LTBP2: variants seen among roughly 807,000 people sequenced by gnomAD.
LTBP2 encodes latent transforming growth factor beta binding protein 2.
LTBP2 carries 103 observed loss-of-function variants against 210.6 expected under a neutral mutation model. The observed-to-expected ratio is 0.49, with a 90% CI of 0.42 to 0.58. The LOEUF is 0.58. LTBP2 is among the 20% of genes least tolerant of loss of function. The pLI is 0.00. For missense variants in LTBP2, 2,313 were observed against 2,494.5 expected, an observed-to-expected ratio of 0.93 and a Z score of 1.55; for synonymous variants, 1,007 against 1,015.0, an observed-to-expected ratio of 0.99 and a Z score of 0.15.
At chr14:74,546,910 C>G (rs1225163716) in intron 8 of LTBP2, among the ~76,000 whole-genome samples, 1 of 152,228 alleles carries the variant, frequency 6.6e-6, no homozygotes, top group Non-Finnish European at 1.5e-5. Context: ...CTCCTGCTCC[C>G]CACCCTTCCA....
intron 3 of LTBP2, among the ~76,000 whole-genome samples, chr14:74,562,909 CA>C (rs1350188427): frequency 1.3e-5 from 2 of 152,224 alleles, no homozygotes; most frequent in Non-Finnish European, 2.9e-5. Flanking sequence ...GCTCCACCTC[CA>C]AGACTATCCT....
chr14:74,606,796 T>C (rs1359547120), intron 1 of LTBP2, among the ~76,000 whole-genome samples: 2 of 152,054 alleles, frequency 1.3e-5, no homozygotes, highest in Non-Finnish European at 2.9e-5. Flanking sequence ...TGAGCAGAGA[T>C]TGTGCCACTG....
intron 2 of LTBP2, among the ~76,000 whole-genome samples, chr14:74,603,201 C>G (rs2088472993): frequency 6.6e-6 from 1 of 152,128 alleles, no homozygotes; most frequent in Non-Finnish European, 1.5e-5. Context: ...GATCTTGGCT[C>G]ACTGCAAACT....
chr14:74,585,444 C>G (rs574214642), intron 3 of LTBP2, among the ~76,000 whole-genome samples: 88 of 152,320 alleles, frequency 5.8e-4, no homozygotes, highest in African/African-American at 2.1e-3. Context: ...CAATTCATAG[C>G]ACAGGTATTA....
In LTBP2 at chr14:74,528,646, G is replaced by A. The variant is rs144915925; in HGVS notation, c.2205C>T (p.Ser735=). The change falls in exon 12 of 36, where the codon TCC becomes TCT. Residue 735 remains serine (S), a synonymous_variant. Transcript: ENST00000261978. The part of the protein sequence containing the change: ...PAGHGYTYAS[S]DIRLSMRKAE... Reference sequence around the variant, plus strand: ...CTTTCCTCATGGACAGGCGGATGTCGGAGCTCGCGTAGGTGTAGCCGTGGC... The same window carrying A: ...CTTTCCTCATGGACAGGCGGATGTCAGAGCTCGCGTAGGTGTAGCCGTGGC... 14 of 1,613,206 alleles carry A rather than the reference G, an allele frequency of 8.7e-6. No homozygotes were observed. The South Asian group carries it at 1.1e-4, about 13-fold the overall frequency.
At position 74,586,996 on chromosome 14, in the gene LTBP2, A is replaced by G. The variant is rs1349642489; in HGVS notation, c.566-878T>C. The stretch of plus-strand genomic sequence containing the variant: ...CCAGGCCCTCCTCCCGGTTAGCCCT[A>G]TGCAGCATTAGCCACCAGCTCCCCA... On this transcript the variant is annotated intron_variant, in intron 2 of 35. Coordinates refer to ENST00000261978, the MANE Select transcript of LTBP2 (RefSeq NM_000428.3). This position sits in a 1 kb window ranked among gnomAD's most constrained non-coding sequence, Gnocchi z 4.6. 1.3e-5 allele frequency among the ~76,000 whole-genome samples: 2 copies of G among 152,146 alleles called. No homozygotes were observed. Among genetic ancestry groups the G allele is most frequent in the Non-Finnish European group, 2.9e-5 (2 of 68,016 alleles).
intron 2 of LTBP2, among the ~76,000 whole-genome samples, chr14:74,597,721 T>C (rs1012499348): frequency 9.9e-5 from 15 of 152,042 alleles, no homozygotes; most frequent in South Asian, 2.1e-4. Flanking sequence ...TTGATGAGAG[T>C]GCACCCTACA....
chr14:74,566,283 A>C (rs2087901442), intron 3 of LTBP2, among the ~76,000 whole-genome samples: 1 of 152,234 alleles, frequency 6.6e-6, no homozygotes, highest in Admixed American at 6.5e-5. Flanking sequence ...ACCAACGCTT[A>C]AGAGGCAGAC....
At chr14:74,583,472 C>T (rs1188665616) in intron 3 of LTBP2, among the ~76,000 whole-genome samples, 1 of 152,240 alleles carries the variant, frequency 6.6e-6, no homozygotes, top group Non-Finnish European at 1.5e-5. Flanking sequence ...CATTGAGGCC[C>T]CAGGGCACAG....
chr14:74,527,353 A>G lies in LTBP2; in HGVS notation c.2382T>C (p.Ala794=). ...GTIPDKGDSQ[A]GQVTTSVTHA... ...AGTGGGAGGACGCACTCACCTGGCCAGCCTGAGAGTCACCTGGAAGGGAAA... is the reference window on the plus strand; with the variant it reads ...AGTGGGAGGACGCACTCACCTGGCCGGCCTGAGAGTCACCTGGAAGGGAAA... The change falls in exon 13 of 36, where the codon GCT becomes GCC. Residue 794 remains alanine, a synonymous_variant. Transcript: ENST00000261978. 1.9e-6 allele frequency: 3 copies of G among 1,611,686 alleles called. No homozygotes were observed. Among genetic ancestry groups the G allele is most frequent in the Non-Finnish European group, 1.7e-6 (2 of 1,179,236 alleles).
chr14:74,535,712 G>T (rs184878588), intron 9 of LTBP2, among the ~76,000 whole-genome samples: 4 of 152,178 alleles, frequency 2.6e-5, no homozygotes, highest in Admixed American at 6.5e-5. Flanking sequence ...GGGACGAGGG[G>T]AGGTGTCGGC....
intron 2 of LTBP2, among the ~76,000 whole-genome samples, chr14:74,591,326 T>G (rs2088280419): frequency 6.6e-6 from 1 of 152,176 alleles, no homozygotes; most frequent in African/African-American, 2.4e-5. Context: ...AACAAACAGC[T>G]CATGGGAAAT....
At position 74,521,902 on chromosome 14, in the gene LTBP2, T is replaced by C; in HGVS notation, c.2788+9A>G. On this transcript the variant is annotated intron_variant, in intron 17 of 35. Transcript: ENST00000261978. ...GGCCTGGCCAAGGGCAAGGGCGGGC[T>C]TGGCTTACCTTGACACTCCTGTGTC... is the stretch of plus-strand genomic sequence containing the variant. The C allele has an allele frequency of 6.2e-7, 1 of 1,614,004 alleles. No individual in the cohort carries two copies. Among genetic ancestry groups the C allele is most frequent in the Non-Finnish European group, 8.5e-7 (1 of 1,179,962 alleles).
chr14:74,568,089 A>AGAGG (rs2087927590), intron 3 of LTBP2, among the ~76,000 whole-genome samples: 2 of 152,104 alleles, frequency 1.3e-5, no homozygotes, highest in African/African-American at 4.8e-5. Context: ...ACAAATCACA[A>AGAGG]GAGGCCTCTC....
At chr14:74,550,717 CA>C (rs2087641157) in intron 7 of LTBP2, among the ~76,000 whole-genome samples, 1 of 152,222 alleles carries the variant, frequency 6.6e-6, no homozygotes, top group Non-Finnish European at 1.5e-5. Flanking sequence ...AACTCCTGGC[CA>C]GATCCTAACA....
chr14:74,551,093 G>A lies in LTBP2; in HGVS notation c.1657C>T (p.Arg553Trp), dbSNP rs746326223. 1.9e-5 allele frequency: 31 copies of A among 1,613,638 alleles called. No individual in the cohort carries two copies. Among genetic ancestry groups the A allele is most frequent in the Non-Finnish European group, 2.5e-5 (29 of 1,180,042 alleles). The change falls in exon 7 of 36, where the codon CGG (arginine) becomes TGG (tryptophan). Residue 553 changes from arginine to tryptophan, a missense_variant. Around this residue, in one of 3 missense-constraint regions of LTBP2, gnomAD observed 1,867 missense variants for 1,976.9 expected, o/e 0.94. Coordinates refer to ENST00000261978, the MANE Select transcript of LTBP2 (RefSeq NM_000428.3). ...CCGTTCACAGTGTTCAGGTAACACC[G>A]GCCCAGCAGTCCTCGAGGCCTGGGT... Reference protein sequence around the residue: ...AAPRPRGLLGRCYLNTVNGQC... With the variant: ...AAPRPRGLLGWCYLNTVNGQC...
At chr14:74,585,772 T>G in intron 3 of LTBP2, 82 bp downstream of exon 3, 1 of 1,605,272 alleles carries the variant, frequency 6.2e-7, no homozygotes, top group Admixed American at 1.7e-5. Context: ...CCACCAGCCT[T>G]CACCAAACGG....
In LTBP2 at chr14:74,516,855, C is replaced by T; in HGVS notation, c.2875G>A (p.Gly959Ser). Residue 959 changes from glycine (G) to serine (S), a missense_variant, in exon 18 of 36, where the codon GGC becomes AGC. By Grantham distance (56) the Gly-to-Ser change is moderately conservative. Coordinates refer to ENST00000261978, the MANE Select transcript of LTBP2 (RefSeq NM_000428.3). ...TGTCCTTTCCTGACCATGATGTAGC[C>T]CTGATCACACTCGCAGTGGTACGAG... Reference protein sequence around the residue: ...EGSYHCECDQGYIMVRKGHCQ... With the variant: ...EGSYHCECDQSYIMVRKGHCQ... 6.4e-7 allele frequency: 1 copy of T among 1,551,918 alleles called. No homozygotes were observed. The highest frequency in any genetic ancestry group is 8.7e-7 in the Non-Finnish European group (1 of 1,147,068).
intron 18 of LTBP2, among the ~76,000 whole-genome samples, chr14:74,515,446 A>G (rs862048): frequency 0.67 from 102,168 of 151,768 alleles, 34,502 homozygotes; most frequent in East Asian, 0.75. Context: ...TAGTAGAGAC[A>G]GGGTTTCACC....
Sources: allele counts gnomAD v4.1 joint callset (sites outside exome capture counted in the v4.1 genomes callset), GRCh38; gene constraint gnomAD v4.1.1; regional missense constraint gnomAD v4.1.1; non-coding constraint Gnocchi (gnomAD v3.1); transcripts MANE v1.5; gene names NCBI Gene and HGNC (gene_info 2026-07-23, HGNC 2026-07-21).